Variants in ECM2 observed in about 807,000 individuals in gnomAD.
ECM2 encodes extracellular matrix protein 2, female organ and adipocyte specific.
Under a neutral mutation model 67.5 loss-of-function variants are expected in ECM2, and 57 were observed. The ratio of observed to expected loss-of-function variants is 0.84; its 90% CI spans 0.68 to 1.05. ECM2 has a LOEUF of 1.05. ECM2 is among the 50% of genes least tolerant of loss of function. ECM2 has a pLI of 0.00. For missense variants in ECM2, 741 were observed against 822.8 expected (o/e 0.90, Z 1.22); for synonymous variants, 258 against 294.5 (o/e 0.88, Z 1.27).
At chr9:92,556,224 A>G in the ECM2 span, among the ~76,000 whole-genome samples, 36 of 152,178 alleles carry the variant, frequency 2.4e-4, no homozygotes, top group African/African-American at 8.7e-4. Context: ...ATTGATTTCC[A>G]GTTTTATTCC....
chr9:92,498,022 T>C (rs1846456658), intron 9 of ECM2, among the ~76,000 whole-genome samples: 1 of 152,134 alleles, frequency 6.6e-6, no homozygotes, highest in African/African-American at 2.4e-5. Context: ...GCCAGTGCCG[T>C]GCTACTTGCA....
Position 92,515,185 on chromosome 9 carries a change from C to G in ECM2, c.500G>C (p.Ser167Thr). 1 of 1,592,896 alleles carries G rather than the reference C, an allele frequency of 6.3e-7. No individual in the cohort carries two copies. Among genetic ancestry groups the G allele is most frequent in the Non-Finnish European group, 8.5e-7 (1 of 1,171,240 alleles). The part of the protein sequence containing the change: ...CSATVSYSLL[S>T]GIALNDRNEF... ...ATTTCTATCATTTAATGCTATACCA[C>G]TGAGTAGAGAATAGGAGACTAATGA... The change falls in exon 4 of 10, where the codon AGT becomes ACT. Residue 167 changes from serine (S) to threonine (T), a missense_variant. By Grantham distance (58) the Ser-to-Thr change is moderately conservative (BLOSUM62 1). Transcript: ENST00000344604.
At chr9:92,527,114 A>G (rs1022979592) in intron 1 of ECM2, among the ~76,000 whole-genome samples, 2 of 152,042 alleles carry the variant, frequency 1.3e-5, no homozygotes, top group African/African-American at 2.4e-5. Flanking sequence ...GCTCGAGCCA[A>G]TCTCACACCT....
Position 92,524,143 on chromosome 9 carries a change from T to C in ECM2, c.-27-1250A>G, listed in dbSNP as rs1393205564. ...GACTGATGTAATCCACAACCCATTTTCCCAGCCGTTTTCTGTTTTGTGCTT... is the reference window on the plus strand; with the variant it reads ...GACTGATGTAATCCACAACCCATTTCCCCAGCCGTTTTCTGTTTTGTGCTT... On this transcript the variant is annotated intron_variant, in intron 1 of 9. Coordinates refer to ENST00000344604, the MANE Select transcript of ECM2 (RefSeq NM_001393.4). 1.1e-4 allele frequency among the ~76,000 whole-genome samples: 17 copies of C among 152,338 alleles called. No homozygotes were observed. In the East Asian group the frequency reaches 3.3e-3, roughly 29 times the overall value.
chr9:92,510,962 T>C (rs941200057), intron 5 of ECM2, among the ~76,000 whole-genome samples: 3 of 152,110 alleles, frequency 2.0e-5, no homozygotes, highest in African/African-American at 7.2e-5. Flanking sequence ...GTCTGAAGAG[T>C]GGGTGGAAGA....
intron 1 of ECM2, among the ~76,000 whole-genome samples, chr9:92,533,328 A>AAAAAAAAAAAAAAATATATAT (rs1554683138): frequency 2.6e-5 from 1 of 38,338 alleles, no homozygotes; most frequent in Non-Finnish European, 4.3e-5. Context: ...AAAAAAAAAA[A>AAAAAAAAAAAAAAATATATAT]ATATATATAT....
Position 92,522,637 on chromosome 9 carries a change from T to C in ECM2, c.230A>G (p.Glu77Gly), listed in dbSNP as rs200534289. The change falls in exon 2 of 10, where the codon GAG (glutamate) becomes GGG (glycine). Residue 77 changes from glutamate to glycine, a missense_variant. Glu to Gly is a moderately conservative substitution (Grantham distance 98). Transcript: ENST00000344604. ...LPIVNFDYSM[E>G]EKFESFSSFP... ...ACTTGAAAAGGATTCAAACTTTTCCTCCATGCTATAATCAAAGTTAACAAT... is the reference window on the plus strand; with the variant it reads ...ACTTGAAAAGGATTCAAACTTTTCCCCCATGCTATAATCAAAGTTAACAAT... 6.2e-7 allele frequency: 1 copy of C among 1,614,004 alleles called. No homozygotes were observed. The highest frequency in any genetic ancestry group is 2.2e-5 in the East Asian group (1 of 44,852).
chr9:92,514,874 C>T lies in ECM2; in HGVS notation c.811G>A (p.Glu271Lys), dbSNP rs1400876397. 6.2e-7 allele frequency: 1 copy of T among 1,613,566 alleles called. No individual in the cohort carries two copies. Among genetic ancestry groups the T allele is most frequent in the Non-Finnish European group, 8.5e-7 (1 of 1,179,634 alleles). ...AHQQQRQGRE[E>K]EEDEEEEGEE... The stretch of plus-strand genomic sequence containing the variant: ...CCCTCCTCCTCCTCATCCTCCTCCT[C>T]CTCCCTTCCTTGGCGTTGTTGCTGG... Residue 271 changes from glutamate to lysine, a missense_variant, in exon 4 of 10, where the codon GAG becomes AAG. Coordinates refer to ENST00000344604, the MANE Select transcript of ECM2 (RefSeq NM_001393.4).
chr9:92,521,661 G>C (rs943111927), intron 2 of ECM2, among the ~76,000 whole-genome samples: 1 of 151,994 alleles, frequency 6.6e-6, no homozygotes, highest in Non-Finnish European at 1.5e-5. Flanking sequence ...CATTTAATAC[G>C]TTTTTAAAAA....
intron 2 of ECM2, among the ~76,000 whole-genome samples, chr9:92,521,002 G>A (rs561756910): frequency 3.9e-5 from 6 of 152,282 alleles, no homozygotes; most frequent in South Asian, 2.1e-4. Flanking sequence ...TTGGTGGGAC[G>A]AAAATGTGCA....
At chr9:92,529,077 G>A (rs1428679584) in intron 1 of ECM2, among the ~76,000 whole-genome samples, 2 of 152,010 alleles carry the variant, frequency 1.3e-5, no homozygotes, top group East Asian at 1.9e-4. Context: ...ATGTGAGAGA[G>A]AAAAAATACA....
intron 5 of ECM2, among the ~76,000 whole-genome samples, chr9:92,510,432 A>T (rs1847266238): frequency 6.6e-6 from 1 of 152,264 alleles, no homozygotes; most frequent in Non-Finnish European, 1.5e-5. Flanking sequence ...AACAATTAAG[A>T]TAGCAATCAA....
intron 6 of ECM2, among the ~76,000 whole-genome samples, chr9:92,509,203 T>C (rs1847189634): frequency 6.6e-6 from 1 of 151,964 alleles, no homozygotes; most frequent in Non-Finnish European, 1.5e-5. Context: ...TGCATCCACA[T>C]GCCGTGGGGT....
chr9:92,494,053 C>A, downstream of ECM2: 1 of 1,595,056 alleles, frequency 6.3e-7, no homozygotes, highest in Non-Finnish European at 8.5e-7. Context: ...TGCCTGCTTA[C>A]TTGTCTGTTT....
chr9:92,545,721 C>G, the ECM2 span, among the ~76,000 whole-genome samples: 1 of 152,190 alleles, frequency 6.6e-6, no homozygotes, highest in Non-Finnish European at 1.5e-5. Context: ...CAGCTGGGCT[C>G]TTGAGTCTAG....
At chr9:92,516,559 A>C (rs1343128093) in intron 3 of ECM2, among the ~76,000 whole-genome samples, 2 of 152,250 alleles carry the variant, frequency 1.3e-5, no homozygotes, top group Non-Finnish European at 2.9e-5. Context: ...CAAAACATGC[A>C]GAAGAATAGG....
At chr9:92,523,079 C>CA (rs1848178520) in intron 1 of ECM2, among the ~76,000 whole-genome samples, 186 bp from the exon 2 acceptor site, 1 of 144,494 alleles carries the variant, frequency 6.9e-6, no homozygotes, top group Admixed American at 7.0e-5. Flanking sequence ...AATCAAAAAA[C>CA]TTTTTTTTTT....
At chr9:92,533,332 T>A (rs62572511) in intron 1 of ECM2, among the ~76,000 whole-genome samples, 2,167 of 74,958 alleles carry the variant, frequency 0.029, 23 homozygotes, top group Non-Finnish European at 0.044. Context: ...AAAAAAAATA[T>A]ATATATATAT....
At chr9:92,548,570 G>T in the ECM2 span, among the ~76,000 whole-genome samples, 295 of 152,134 alleles carry the variant, frequency 1.9e-3, 1 homozygote, top group African/African-American at 6.6e-3. Flanking sequence ...ATACTGCCTA[G>T]AAATTAAAAA....
Sources: gnomAD v4.1 joint callset for allele counts (sites outside exome capture counted in the v4.1 genomes callset) on GRCh38, gnomAD v4.1.1 for gene constraint, MANE v1.5 for transcripts, NCBI Gene and HGNC (gene_info 2026-07-23, HGNC 2026-07-21) for gene names.